Variants in THSD4 observed in about 807,000 individuals in gnomAD.
THSD4 encodes the protein thrombospondin type 1 domain containing 4.
A neutral mutation model predicts 119.0 loss-of-function variants in THSD4; 69 were observed. The ratio of observed to expected loss-of-function variants is 0.58; its 90% CI spans 0.48 to 0.71. The LOEUF (loss-of-function observed/expected upper bound fraction) is 0.71, where lower values mean the gene tolerates loss of function less well. Ranked by LOEUF, THSD4 falls within the 30% of genes least tolerant of loss-of-function variation. The pLI is 0.00. For synonymous variants in THSD4, 524 were observed against 540.4 expected, an observed-to-expected ratio of 0.97 and a Z score of 0.42; for missense variants, 1,393 against 1,391.1, an observed-to-expected ratio of 1.00 and a Z score of -0.02.
chr15:71,383,589 C>T (rs62015552), intron 6 of THSD4, among the ~76,000 whole-genome samples: 28,319 of 152,018 alleles, frequency 0.19, 2,662 homozygotes, highest in South Asian at 0.23. Flanking sequence ...GACAACTTTA[C>T]GAATGTGGAT....
intron 8 of THSD4, among the ~76,000 whole-genome samples, chr15:71,673,357 C>T (rs1026050057): frequency 3.3e-5 from 5 of 151,720 alleles, no homozygotes; most frequent in East Asian, 1.9e-4. Context: ...TTTTTTATTG[C>T]GTCTATTTGA....
chr15:71,199,803 TGTGTGTGTGTGATGCACGTGTGGG>T, intron 3 of THSD4, among the ~76,000 whole-genome samples: 1 of 61,642 alleles, frequency 1.6e-5, no homozygotes, highest in Non-Finnish European at 4.5e-5. Flanking sequence ...GTGTGTGTGC[TGTGTGTGTGTGATGCACGTGTGGG>T]GTGTGTGTGT....
chr15:71,352,808 A>G (rs2045761125), intron 6 of THSD4, among the ~76,000 whole-genome samples: 2 of 152,200 alleles, frequency 1.3e-5, no homozygotes, highest in South Asian at 4.1e-4. Context: ...CAGCCAGAGT[A>G]TTGGGAGGGG....
At chr15:71,230,796 C>G (rs546535026) in intron 4 of THSD4, among the ~76,000 whole-genome samples, 2 of 152,374 alleles carry the variant, frequency 1.3e-5, no homozygotes, top group South Asian at 2.1e-4. Flanking sequence ...CTAATATTCT[C>G]TCAGCCTTAG....
intron 7 of THSD4, among the ~76,000 whole-genome samples, chr15:71,521,708 G>T (rs779827479): frequency 1.1e-4 from 17 of 151,748 alleles, no homozygotes; most frequent in South Asian, 4.2e-4. Flanking sequence ...TCAGTTTGGG[G>T]TTTTTTTTGA....
intron 7 of THSD4, among the ~76,000 whole-genome samples, chr15:71,543,127 T>C (rs1287510515): frequency 6.6e-6 from 1 of 152,206 alleles, no homozygotes; most frequent in East Asian, 1.9e-4. Context: ...TTAATATTAT[T>C]GTGCCAATGT....
chr15:71,375,139 A>T (rs11072277), intron 6 of THSD4, among the ~76,000 whole-genome samples: 40,760 of 152,172 alleles, frequency 0.27, 6,809 homozygotes, highest in Middle Eastern at 0.43. Context: ...TAAAAACTGC[A>T]TGTCTGCCAG....
At chr15:71,500,154 A>AT (rs200662509) in intron 7 of THSD4, among the ~76,000 whole-genome samples, 61 of 150,602 alleles carry the variant, frequency 4.1e-4, no homozygotes, top group African/African-American at 4.1e-4. Context: ...GTTATTATCT[A>AT]TTTTTTTTTA....
rs538082034 is a variant in THSD4, at chr15:71,367,788, G to A, written c.1016-43899G>A. On this transcript the variant is annotated intron_variant, in intron 6 of 17. Transcript: ENST00000261862. ...TAGCAGCATGATTGATAATGCTTTG[G>A]CTATATACACAGTAATGGGATGGCT... is the stretch of plus-strand genomic sequence containing the variant. 7.2e-5 allele frequency among the ~76,000 whole-genome samples: 11 copies of A among 152,258 alleles called. No homozygotes were observed. The East Asian group carries it at 1.5e-3, about 21-fold the overall frequency.
intron 6 of THSD4, among the ~76,000 whole-genome samples, chr15:71,343,715 A>ATT (rs35533590): frequency 0.49 from 66,411 of 134,684 alleles, 17,486 homozygotes; most frequent in East Asian, 0.72. Flanking sequence ...TCATCTCAGG[A>ATT]TTTTTTTTTT....
At chr15:71,185,414 C>G (rs368345349) in intron 3 of THSD4, 18 of 151,758 alleles carry the variant, frequency 1.2e-4, no homozygotes, top group African/African-American at 4.1e-4. Context: ...CCTGATTTCT[C>G]TTTGGCCTAC....
intron 3 of THSD4, among the ~76,000 whole-genome samples, chr15:71,162,052 C>G (rs1195770923): frequency 6.6e-6 from 1 of 151,926 alleles, no homozygotes; most frequent in Non-Finnish European, 1.5e-5. Context: ...TTTTGGTTGC[C>G]TTAATTTACA....
chr15:71,682,093 T>A (rs554389790), intron 8 of THSD4, among the ~76,000 whole-genome samples: 75 of 152,280 alleles, frequency 4.9e-4, no homozygotes, highest in African/African-American at 1.8e-3. Context: ...GAAGACATAG[T>A]TCAACCCAAG....
chr15:71,430,641 C>T (rs2046930151), intron 7 of THSD4, among the ~76,000 whole-genome samples: 1 of 151,724 alleles, frequency 6.6e-6, no homozygotes, highest in African/African-American at 2.4e-5. Flanking sequence ...CCTCTAATCC[C>T]AGCTACTCGG....
chr15:71,640,012 G>T (rs908698478), intron 7 of THSD4, among the ~76,000 whole-genome samples: 1 of 152,030 alleles, frequency 6.6e-6, no homozygotes, highest in African/African-American at 2.4e-5. Flanking sequence ...AAATTGTACT[G>T]CTCATTAGCC....
intron 6 of THSD4, among the ~76,000 whole-genome samples, chr15:71,306,327 A>C: frequency 6.6e-6 from 1 of 150,986 alleles, no homozygotes; most frequent in Non-Finnish European, 1.5e-5. Flanking sequence ...AAAAAAAAAA[A>C]AAAAAAAAAA....
At position 71,417,892 on chromosome 15, in the gene THSD4, T is replaced by C. The variant is rs111677874; in HGVS notation, c.1152+6069T>C. Among the ~76,000 whole-genome samples, 2 of 108,258 alleles carry C rather than the reference T, an allele frequency of 1.8e-5. 1 individual carries two copies. The highest frequency in any genetic ancestry group is 6.3e-5 in the African/African-American group (2 of 31,892). The allele number at this position is 108,258 out of a possible 152,430, so 71.0% of individuals were successfully genotyped here. A position where few individuals can be genotyped will look rare whatever the true frequency, so the allele number is the denominator to read the frequency against. On this transcript the variant is annotated intron_variant, in intron 7 of 17. Transcript: ENST00000261862. ...GAACACAGAATATCTTTCTATTCCT[T>C]TGTGTCCTCTTCAACTTCTTTCATC...
At chr15:71,569,305 G>A (rs1418027712) in intron 7 of THSD4, among the ~76,000 whole-genome samples, 1 of 152,130 alleles carries the variant, frequency 6.6e-6, no homozygotes, top group Non-Finnish European at 1.5e-5. Context: ...GGGAAAGAGG[G>A]AGGAAAAGAA....
Position 71,590,359 on chromosome 15 carries a change from C to T in THSD4, c.1153-70171C>T, listed in dbSNP as rs2049770215. 2.2e-5 allele frequency among the ~76,000 whole-genome samples: 3 copies of T among 137,310 alleles called. 1 individual carries two copies. Among genetic ancestry groups the T allele is most frequent in the Admixed American group, 1.5e-4 (2 of 13,488 alleles). The allele number at this position is 137,310 out of a possible 152,430, so 90.1% of individuals were successfully genotyped here. A position where few individuals can be genotyped will look rare whatever the true frequency, so the allele number is the denominator to read the frequency against. On this transcript the variant is annotated intron_variant, in intron 7 of 17. Transcript: ENST00000261862. ...CCTGGACTAGGTTGATAGGAATAGG[C>T]CATTCTCATTATGCAGCCATAAAAA...
Sources: gnomAD v4.1 joint callset for allele counts (sites outside exome capture counted in the v4.1 genomes callset) on GRCh38, gnomAD v4.1.1 for gene constraint, MANE v1.5 for transcripts, NCBI Gene and HGNC (gene_info 2026-07-23, HGNC 2026-07-21) for gene names.